The following UPP2 variants were observed in gnomAD, a reference collection of about 807,000 sequenced individuals.
UPP2 encodes the protein uridine phosphorylase 2.
In UPP2, 23 loss-of-function variants were observed where a neutral mutation model predicts 26.7. The observed-to-expected ratio is 0.86, with a 90% CI of 0.62 to 1.22. The LOEUF is 1.22. Ranked by LOEUF, UPP2 falls within the 50% of genes most tolerant of loss-of-function variation. UPP2 has a pLI of 0.00. For synonymous variants in UPP2, 127 were observed against 141.3 expected (o/e 0.90, Z 0.72); for missense variants, 387 against 396.7 (o/e 0.98, Z 0.21).
chr2:158,032,489 G>C (rs1009602356), intron 3 of UPP2, among the ~76,000 whole-genome samples: 49 of 152,180 alleles, frequency 3.2e-4, no homozygotes, highest in African/African-American at 1.1e-3. Context: ...ACCTAAGGAA[G>C]TGTATGACAT....
At chr2:158,100,770 G>T (rs537629789), upstream of UPP2, among the ~76,000 whole-genome samples, 2 of 152,350 alleles carry the variant, frequency 1.3e-5, no homozygotes, top group East Asian at 3.9e-4. Context: ...TCTGGGCACA[G>T]TTGCAAACGT....
chr2:158,118,060 G>C (rs988536336), intron 4 of UPP2, 122 bp downstream of exon 4: 1 of 779,848 alleles, frequency 1.3e-6, no homozygotes, highest in Non-Finnish European at 2.1e-6. Context: ...GTGTCAGAAG[G>C]CTGGACTTGA....
chr2:158,003,303 C>A (rs1683438409), intron 2 of UPP2, among the ~76,000 whole-genome samples: 1 of 152,084 alleles, frequency 6.6e-6, no homozygotes, highest in South Asian at 2.1e-4. Flanking sequence ...GAGGAACATT[C>A]CTGCCAGGGA....
intron 4 of UPP2, among the ~76,000 whole-genome samples, chr2:158,121,035 C>T (rs1016125295): frequency 3.2e-4 from 48 of 151,874 alleles, no homozygotes; most frequent in African/African-American, 9.7e-4. Context: ...ATCAAGAAGT[C>T]GCAGAGAAGA....
intron 3 of UPP2, among the ~76,000 whole-genome samples, chr2:158,037,179 T>C (rs544513331): frequency 2.6e-5 from 4 of 151,636 alleles, no homozygotes; most frequent in East Asian, 2.0e-4. Flanking sequence ...TTGAGACCAG[T>C]CTGGCCAACA....
At chr2:157,998,409 G>A (rs773069214) in intron 2 of UPP2, among the ~76,000 whole-genome samples, 3 of 152,156 alleles carry the variant, frequency 2.0e-5, no homozygotes, top group African/African-American at 7.2e-5. Flanking sequence ...ACTCTACTTC[G>A]AAGGTCAGAA....
chr2:158,062,523 C>T (rs547034716), intron 3 of UPP2, among the ~76,000 whole-genome samples: 238 of 80,332 alleles, frequency 3.0e-3, no homozygotes, highest in African/African-American at 7.2e-3. Flanking sequence ...TGCTATTAAA[C>T]CCTGCTTTCC....
chr2:158,129,429 T>G (rs1043119647), intron 6 of UPP2, among the ~76,000 whole-genome samples: 1 of 152,108 alleles, frequency 6.6e-6, no homozygotes, highest in African/African-American at 2.4e-5. Flanking sequence ...GCTGAGGATG[T>G]GGACTTGCAA....
At chr2:158,073,775 C>T (rs1323265980) in intron 3 of UPP2, among the ~76,000 whole-genome samples, 2 of 152,054 alleles carry the variant, frequency 1.3e-5, no homozygotes, top group Non-Finnish European at 2.9e-5. Flanking sequence ...AAAGACTTTC[C>T]TAGACAAACA....
At chr2:158,103,449 T>C in intron 1 of UPP2, among the ~76,000 whole-genome samples, 1 of 152,160 alleles carries the variant, frequency 6.6e-6, no homozygotes, top group East Asian at 1.9e-4. Flanking sequence ...ACCAAGTCAA[T>C]CCAAATTTCT....
chr2:158,109,947 A>T (rs10164653), intron 2 of UPP2, among the ~76,000 whole-genome samples: 4 of 152,156 alleles, frequency 2.6e-5, no homozygotes, highest in South Asian at 2.1e-4. Context: ...ATATCTACAG[A>T]ATGTGGGTAG....
At chr2:158,121,697 A>G (rs899809661) in intron 5 of UPP2, 79 bp downstream of exon 5, 95 of 1,269,360 alleles carry the variant, frequency 7.5e-5, no homozygotes, top group Non-Finnish European at 9.7e-5. Flanking sequence ...AATTTATATT[A>G]ACAACTCTAC....
intron 3 of UPP2, among the ~76,000 whole-genome samples, chr2:158,086,712 G>T (rs529671063): frequency 2.0e-5 from 3 of 152,132 alleles, no homozygotes; most frequent in East Asian, 1.9e-4. Flanking sequence ...TCAGTTCAAA[G>T]AATTTTTTAA....
chr2:158,132,633 T>C (rs1016057660), intron 6 of UPP2, among the ~76,000 whole-genome samples: 5 of 152,124 alleles, frequency 3.3e-5, no homozygotes, highest in Admixed American at 3.3e-4. Context: ...AACTGATACA[T>C]CTGATAAGAG....
At chr2:158,118,986 TAG>T (rs1273390254) in intron 4 of UPP2, among the ~76,000 whole-genome samples, 1 of 151,988 alleles carries the variant, frequency 6.6e-6, no homozygotes, top group African/African-American at 2.4e-5. Flanking sequence ...TGTTCATCCA[TAG>T]AGAGAAGTAG....
intron 2 of UPP2, chr2:158,015,667 G>T (rs1026922039): frequency 2.5e-6 from 1 of 402,322 alleles, no homozygotes; most frequent in African/African-American, 2.1e-5. Context: ...CTGGCGGGAG[G>T]TGACTGAATC....
intron 3 of UPP2, among the ~76,000 whole-genome samples, chr2:158,025,961 C>T (rs188869810): frequency 1.5e-4 from 23 of 152,152 alleles, no homozygotes; most frequent in East Asian, 5.8e-4. Context: ...GAAGCAGCCC[C>T]GGAAAGAAAG....
chr2:158,112,988 A>G (rs1487642859), intron 2 of UPP2, among the ~76,000 whole-genome samples: 1 of 152,184 alleles, frequency 6.6e-6, no homozygotes, highest in African/African-American at 2.4e-5. Flanking sequence ...ACTTAAGGTC[A>G]ATGTTGGTTG....
chr2:158,041,461 C>T (rs1684080309), intron 3 of UPP2, among the ~76,000 whole-genome samples: 1 of 136,426 alleles, frequency 7.3e-6, no homozygotes, highest in Non-Finnish European at 1.6e-5. Context: ...ACTCATTTCC[C>T]CGAGAGTCTC....
Sources: gnomAD v4.1 joint callset for allele counts (sites outside exome capture counted in the v4.1 genomes callset) on GRCh38, gnomAD v4.1.1 for gene constraint, MANE v1.5 for transcripts, NCBI Gene and HGNC (gene_info 2026-07-23, HGNC 2026-07-21) for gene names.